The following CTNNA2 variants were observed in gnomAD, a reference collection of about 807,000 sequenced individuals.
CTNNA2 encodes the protein catenin alpha 2.
In CTNNA2, 42 loss-of-function variants were observed where a neutral mutation model predicts 101.0. That is an observed-to-expected ratio of 0.42 (90% CI 0.32 to 0.54). CTNNA2 has a LOEUF of 0.54. Among genes scored for constraint, CTNNA2 ranks in the 20% least tolerant of loss-of-function variants. The probability of loss-of-function intolerance (pLI) is 0.14; values close to 1 mark genes in which losing one functional copy is unlikely to be tolerated. For synonymous variants in CTNNA2, 450 were observed against 456.4 expected, an observed-to-expected ratio of 0.99 and a Z score of 0.18; for missense variants, 871 against 1,223.1, an observed-to-expected ratio of 0.71 and a Z score of 4.29.
At chr2:79,320,914 C>G (rs915050130) in intron 3 of CTNNA2, among the ~76,000 whole-genome samples, 5 of 152,170 alleles carry the variant, frequency 3.3e-5, no homozygotes. Context: ...TAAAGAATTA[C>G]AATTCTATTA....
chr2:79,695,259 A>G (rs928947011), intron 2 of CTNNA2, among the ~76,000 whole-genome samples: 8 of 151,930 alleles, frequency 5.3e-5, no homozygotes, highest in Non-Finnish European at 1.0e-4. Flanking sequence ...CTACTGATTA[A>G]AATAATCCTA....
At position 79,529,827 on chromosome 2, in the gene CTNNA2, G is replaced by C. The variant is rs113417449; in HGVS notation, c.-6+16620G>C. 2.0e-3 allele frequency among the ~76,000 whole-genome samples: 307 copies of C among 151,902 alleles called. 2 individuals are homozygous for C. Among genetic ancestry groups the C allele is most frequent in the African/African-American group, 6.9e-3 (288 of 41,450 alleles). ...ATCTGTTTACTGCTTCCAGCCATGAGGTCTCTGGGTTATGACGTCAACAAG... is the reference window on the plus strand; with the variant it reads ...ATCTGTTTACTGCTTCCAGCCATGACGTCTCTGGGTTATGACGTCAACAAG... On this transcript the variant is annotated intron_variant, in intron 1 of 18. Transcript: ENST00000402739.
intron 3 of CTNNA2, among the ~76,000 whole-genome samples, chr2:79,760,678 A>G (rs1672730439): frequency 6.6e-6 from 1 of 152,240 alleles, no homozygotes; most frequent in South Asian, 2.1e-4. Context: ...AACTTCACAG[A>G]ATAAACTAAC....
intron 7 of CTNNA2, among the ~76,000 whole-genome samples, chr2:80,089,585 C>CA (rs1246337691): frequency 6.6e-6 from 1 of 151,342 alleles, no homozygotes; most frequent in Non-Finnish European, 1.5e-5. Context: ...AAAGAAACAA[C>CA]AAAATGCAAA....
rs570950310 is a variant in CTNNA2, at chr2:80,302,730, C to G, written c.1057-90481C>G. The stretch of plus-strand genomic sequence containing the variant: ...CCGCTGGTGGGCTCGGCCCCATCCT[C>G]GCACAGGTGGAAGGCGTACACGGCG... On this transcript the variant is annotated intron_variant, in intron 7 of 18. Coordinates refer to ENST00000402739, the MANE Select transcript of CTNNA2 (RefSeq NM_001282597.3). This position sits in a 1 kb window ranked among gnomAD's most constrained non-coding sequence, Gnocchi z 6.4. 5 of 1,613,028 alleles carry G rather than the reference C, an allele frequency of 3.1e-6. No individual in the cohort carries two copies. The highest frequency in any genetic ancestry group is 2.2e-5 in the East Asian group (1 of 44,846).
intron 6 of CTNNA2, among the ~76,000 whole-genome samples, chr2:79,876,072 A>G (rs1433430409): frequency 6.6e-6 from 1 of 152,170 alleles, no homozygotes; most frequent in East Asian, 1.9e-4. Context: ...TTATTGAGGG[A>G]CAAGTTTTAC....
intron 12 of CTNNA2, among the ~76,000 whole-genome samples, chr2:80,556,720 TA>T (rs3835996): frequency 0.21 from 32,360 of 152,062 alleles, 4,255 homozygotes; most frequent in East Asian, 0.36. Context: ...ATATATGAGA[TA>T]AGATATATAG....
chr2:80,514,367 C>T (rs1420202856), intron 9 of CTNNA2, among the ~76,000 whole-genome samples: 1 of 152,148 alleles, frequency 6.6e-6, no homozygotes, highest in Admixed American at 6.5e-5. Flanking sequence ...GCTCTCTTAG[C>T]TCCTCTGTTC....
At chr2:80,466,845 A>T (rs60839303) in intron 9 of CTNNA2, among the ~76,000 whole-genome samples, 2 of 152,166 alleles carry the variant, frequency 1.3e-5, no homozygotes, top group Admixed American at 1.3e-4. Flanking sequence ...TTTAGATAAC[A>T]AGAGGGCTAC....
intron 2 of CTNNA2, among the ~76,000 whole-genome samples, chr2:79,242,697 G>A (rs1385768135): frequency 6.6e-6 from 1 of 152,042 alleles, no homozygotes; most frequent in Non-Finnish European, 1.5e-5. Flanking sequence ...GCCAAGCGTG[G>A]TGGCTCACGC....
chr2:79,572,245 G>GTC (rs1461065226), intron 1 of CTNNA2, among the ~76,000 whole-genome samples: 8 of 152,170 alleles, frequency 5.3e-5, no homozygotes, highest in African/African-American at 1.9e-4. Flanking sequence ...GAGACTTGTG[G>GTC]TCTCCACCAG....
chr2:80,074,618 G>A (rs147370042), intron 7 of CTNNA2, among the ~76,000 whole-genome samples: 2 of 152,222 alleles, frequency 1.3e-5, no homozygotes, highest in African/African-American at 4.8e-5. Context: ...TCTCAATGCA[G>A]TTGCAGTGGT....
Position 79,868,469 on chromosome 2 carries a change from C to T in CTNNA2, c.466-1347C>T, listed in dbSNP as rs1213588601. Reference sequence around the variant, plus strand: ...ATATTCATTATTACTGGTTTAGATACGTATTCTCTTCCTTTGCTCAGTGCA... The same window carrying T: ...ATATTCATTATTACTGGTTTAGATATGTATTCTCTTCCTTTGCTCAGTGCA... On this transcript the variant is annotated intron_variant, in intron 4 of 18. Transcript: ENST00000402739. 3.3e-5 allele frequency among the ~76,000 whole-genome samples: 5 copies of T among 152,188 alleles called. 1 individual carries two copies. In the East Asian group the frequency reaches 9.6e-4, roughly 29 times the overall value.
intron 7 of CTNNA2, among the ~76,000 whole-genome samples, chr2:80,311,981 T>G (rs74746870): frequency 0.045 from 6,922 of 152,306 alleles, 217 homozygotes; most frequent in Middle Eastern, 0.075. Context: ...TGTCATAATT[T>G]TATCAATTAT....
chr2:79,522,654 C>T (rs1672181611), intron 1 of CTNNA2, among the ~76,000 whole-genome samples: 1 of 152,136 alleles, frequency 6.6e-6, no homozygotes, highest in Admixed American at 6.5e-5. Context: ...CAGGGCTGGC[C>T]TGCCAGGGAG....
chr2:79,940,724 C>T (rs1243896947), intron 7 of CTNNA2, among the ~76,000 whole-genome samples: 1 of 152,186 alleles, frequency 6.6e-6, no homozygotes, highest in East Asian at 1.9e-4. Context: ...ATAGCTTAGC[C>T]TAGCCTACCT....
chr2:79,742,558 A>G (rs556292644), intron 2 of CTNNA2, among the ~76,000 whole-genome samples: 80 of 152,264 alleles, frequency 5.3e-4, no homozygotes, highest in South Asian at 3.9e-3. Flanking sequence ...TTGGAAGAGT[A>G]ACATGTTCAT....
At chr2:79,621,344 G>A (rs183804184) in intron 1 of CTNNA2, among the ~76,000 whole-genome samples, 4 of 152,048 alleles carry the variant, frequency 2.6e-5, no homozygotes, top group Non-Finnish European at 4.4e-5. Flanking sequence ...CTTATTCTCC[G>A]TTATTGTCCA....
At chr2:79,922,033 A>T (rs180942488) in intron 7 of CTNNA2, among the ~76,000 whole-genome samples, 1 of 152,212 alleles carries the variant, frequency 6.6e-6, no homozygotes, top group Admixed American at 6.5e-5. Context: ...CCAGTCCTGC[A>T]CCAGCCTTGG....
Sources: allele counts gnomAD v4.1 joint callset (sites outside exome capture counted in the v4.1 genomes callset), GRCh38; gene constraint gnomAD v4.1.1; non-coding constraint Gnocchi (gnomAD v3.1); transcripts MANE v1.5; gene names NCBI Gene and HGNC (gene_info 2026-07-23, HGNC 2026-07-21).